The following SYNE1 variants were observed in gnomAD, a reference collection of about 807,000 sequenced individuals.
SYNE1 encodes the protein nesprin-1.
Under a neutral mutation model 1,111.0 loss-of-function variants are expected in SYNE1, and 616 were observed. The observed-to-expected ratio is 0.55, with a 90% CI of 0.52 to 0.59. The LOEUF (loss-of-function observed/expected upper bound fraction) is 0.59, where lower values mean the gene tolerates loss of function less well. SYNE1 is among the 20% of genes least tolerant of loss of function. The probability of loss-of-function intolerance (pLI) is 0.00; values close to 1 mark genes in which losing one functional copy is unlikely to be tolerated. For synonymous variants in SYNE1, 3,855 were observed against 3,825.8 expected (o/e 1.01, Z -0.28); for missense variants, 10,006 against 10,417.0 (o/e 0.96, Z 1.72).
At chr6:152,491,218 A>T (rs1030361575) in intron 11 of SYNE1, among the ~76,000 whole-genome samples, 1 of 151,602 alleles carries the variant, frequency 6.6e-6, no homozygotes, top group Non-Finnish European at 1.5e-5. Context: ...CTAGTGTCTG[A>T]TCACTGTGGG....
At chr6:152,403,143 G>A (rs887571942) in intron 46 of SYNE1, among the ~76,000 whole-genome samples, 2 of 152,160 alleles carry the variant, frequency 1.3e-5, no homozygotes, top group Non-Finnish European at 2.9e-5. Flanking sequence ...AACAGAAGCA[G>A]CAACACATAT....
intron 144 of SYNE1, among the ~76,000 whole-genome samples, chr6:152,131,166 A>T (rs941676345): frequency 1.3e-5 from 2 of 152,184 alleles, no homozygotes. Flanking sequence ...CAGTGTTAAA[A>T]TTCTTGGCCC....
In SYNE1 at chr6:152,399,628, T is replaced by C. The variant is rs1435557709; in HGVS notation, c.7225A>G (p.Lys2409Glu). ...TQASLQESLE[K>E]HFSESMQEFQ... ...CCTCAGAACTCACCACTGAAGTGTT[T>C]TTCCAGAGATTCCTGCAGGCTGGCC... Residue 2409 changes from lysine (K) to glutamate (E), a missense_variant, in exon 48 of 146, where the codon AAA becomes GAA. Transcript: ENST00000367255. 2 of 1,614,112 alleles carry C rather than the reference T, an allele frequency of 1.2e-6. No homozygotes were observed. The highest frequency in any genetic ancestry group is 1.7e-6 in the Non-Finnish European group (2 of 1,179,998).
At chr6:152,539,111 CA>C (rs2099257743) in intron 4 of SYNE1, among the ~76,000 whole-genome samples, 1 of 152,098 alleles carries the variant, frequency 6.6e-6, no homozygotes, top group Non-Finnish European at 1.5e-5. Context: ...CCACTCTCAG[CA>C]AAAGTGAGAA....
chr6:152,203,317 T>C (rs1349142850), intron 126 of SYNE1, among the ~76,000 whole-genome samples: 3 of 152,208 alleles, frequency 2.0e-5, no homozygotes, highest in Non-Finnish European at 4.4e-5. Context: ...TAGCACCTTA[T>C]CTACACATTA....
chr6:152,353,677 A>G lies in SYNE1; in HGVS notation c.10994T>C (p.Ile3665Thr). ...VEEVGARAQE[I>T]LDESHVNSRM... ...GCTGTTCACGTGGCTCTCGTCCAGT[A>G]TCTCCTGAGCTCTAGCTCCCACTTC... The change falls in exon 68 of 146, where the codon ATA (isoleucine) becomes ACA (threonine). Residue 3665 changes from isoleucine to threonine, a missense_variant. Coordinates refer to ENST00000367255, the MANE Select transcript of SYNE1 (RefSeq NM_182961.4). 1 of 1,614,214 alleles carries G rather than the reference A, an allele frequency of 6.2e-7. No individual in the cohort carries two copies.
Position 152,353,628 on chromosome 6 carries a change from C to G in SYNE1, c.11043G>C (p.Gln3681His), listed in dbSNP as rs1382461280. 1 of 1,614,172 alleles carries G rather than the reference C, an allele frequency of 6.2e-7. No homozygotes were observed. Among genetic ancestry groups the G allele is most frequent in the Non-Finnish European group, 8.5e-7 (1 of 1,180,022 alleles). Reference sequence around the variant, plus strand: ...GCAGGGCCTGGTATCTGGAAGTCAGCTGGGTGGCCTGGCAACCCATTCTGC... The same window carrying G: ...GCAGGGCCTGGTATCTGGAAGTCAGGTGGGTGGCCTGGCAACCCATTCTGC... ...VNSRMGCQAT[Q>H]LTSRYQALLL... The change falls in exon 68 of 146, where the codon CAG (glutamine) becomes CAC (histidine). Residue 3681 changes from glutamine to histidine, a missense_variant. Physicochemically the swap from Gln to His is conservative, Grantham distance 24. Transcript: ENST00000367255.
chr6:152,623,649 T>C (rs1176863861), intron 3 of SYNE1, among the ~76,000 whole-genome samples: 1 of 152,184 alleles, frequency 6.6e-6, no homozygotes, highest in Non-Finnish European at 1.5e-5. Flanking sequence ...ATCCAGCATC[T>C]ATAAGGAACT....
Position 152,321,302 on chromosome 6 carries a change from A to G in SYNE1, c.16172T>C (p.Ile5391Thr). Reference sequence around the variant, plus strand: ...CTGAAGGGAGAGTTCAGAAGGTAATATGGTATAAAGACCTAAGTACTTCTC... The same window carrying G: ...CTGAAGGGAGAGTTCAGAAGGTAATGTGGTATAAAGACCTAAGTACTTCTC... ...QKEKYLGLYT[I>T]LPSELSLQLA... Residue 5391 changes from isoleucine to threonine, a missense_variant, in exon 84 of 146, where the codon ATA (isoleucine) becomes ACA (threonine). Physicochemically the swap from Ile to Thr is moderately conservative, Grantham distance 89. This residue lies in a region of SYNE1 where 4,955 missense variants were observed against 5,017.2 expected (regional missense o/e 0.99). Transcript: ENST00000367255. 2 of 1,613,952 alleles carry G rather than the reference A, an allele frequency of 1.2e-6. No individual in the cohort carries two copies. The highest frequency in any genetic ancestry group is 1.7e-6 in the Non-Finnish European group (2 of 1,179,912).
intron 92 of SYNE1, 87 bp from the exon 93 acceptor site, chr6:152,300,868 T>C: frequency 6.3e-7 from 1 of 1,593,760 alleles, no homozygotes; most frequent in South Asian, 1.1e-5. Flanking sequence ...CAAAACAGAG[T>C]TAATTATAAA....
chr6:152,359,056 T>G (rs1007600838), intron 65 of SYNE1, among the ~76,000 whole-genome samples: 4 of 152,206 alleles, frequency 2.6e-5, no homozygotes, highest in Non-Finnish European at 4.4e-5. Context: ...CAATTGAAGG[T>G]GTCCAGAATT....
intron 4 of SYNE1, among the ~76,000 whole-genome samples, chr6:152,530,623 ATT>A (rs35951822): frequency 4.9e-5 from 7 of 141,956 alleles, no homozygotes; most frequent in African/African-American, 5.3e-5. Context: ...GTGTGATGAA[ATT>A]TTTTTTTTTT....
At chr6:152,263,455 A>T (rs542925141) in intron 100 of SYNE1, among the ~76,000 whole-genome samples, 1 of 151,686 alleles carries the variant, frequency 6.6e-6, no homozygotes, top group South Asian at 2.1e-4. Context: ...GACTCGTGTG[A>T]TCACAGCTCA....
chr6:152,564,199 C>T (rs765498884), intron 3 of SYNE1, among the ~76,000 whole-genome samples: 29 of 152,256 alleles, frequency 1.9e-4, no homozygotes, highest in African/African-American at 4.3e-4. Context: ...AGGAAAAACA[C>T]GAATCAGTTG....
chr6:152,321,191 C>A (rs749293770), intron 84 of SYNE1, 47 bp downstream of exon 84: 2 of 1,607,098 alleles, frequency 1.2e-6, no homozygotes, highest in African/African-American at 1.3e-5. Context: ...AGAGGACTGA[C>A]CCTATAAACA....
At chr6:152,337,448 C>T (rs2096424169) in intron 75 of SYNE1, among the ~76,000 whole-genome samples, 1 of 152,200 alleles carries the variant, frequency 6.6e-6, no homozygotes, top group Non-Finnish European at 1.5e-5. Flanking sequence ...CGCCGTCACA[C>T]CCAACTAATT....
chr6:152,132,917 G>A (rs1189207105), intron 143 of SYNE1, among the ~76,000 whole-genome samples: 2 of 150,538 alleles, frequency 1.3e-5, no homozygotes, highest in East Asian at 1.9e-4. Context: ...ATTCATGCCT[G>A]AGAGTGGTTA....
Position 152,308,522 on chromosome 6 carries a change from T to C in SYNE1, c.17313A>G (p.Ile5771Met), listed in dbSNP as rs2095449015. ...GAGAAATCTGAGCCTGCAGCTCCTGTATGTTACTGGTGGCAACAGGTTTAT... is the reference window on the plus strand; with the variant it reads ...GAGAAATCTGAGCCTGCAGCTCCTGCATGTTACTGGTGGCAACAGGTTTAT... ...IEDKPVATSN[I>M]QELQAQISRH... Residue 5771 changes from isoleucine to methionine, a missense_variant, in exon 91 of 146, where the codon ATA (isoleucine) becomes ATG (methionine). Around this residue, in one of 7 missense-constraint regions of SYNE1, gnomAD observed 4,955 missense variants for 5,017.2 expected, o/e 0.99. Transcript: ENST00000367255. The C allele has an allele frequency of 1.2e-6, 2 of 1,614,178 alleles. No homozygotes were observed. The highest frequency in any genetic ancestry group is 4.5e-5 in the East Asian group (2 of 44,886).
At chr6:152,194,971 A>G (rs2073709828) in intron 127 of SYNE1, among the ~76,000 whole-genome samples, 1 of 151,864 alleles carries the variant, frequency 6.6e-6, no homozygotes, top group Admixed American at 6.6e-5. Flanking sequence ...CCCAGGCTGG[A>G]GTGCAGTGGT....
Sources: allele counts gnomAD v4.1 joint callset (sites outside exome capture counted in the v4.1 genomes callset), GRCh38; gene constraint gnomAD v4.1.1; regional missense constraint gnomAD v4.1.1; transcripts MANE v1.5; gene names NCBI Gene and HGNC (gene_info 2026-07-23, HGNC 2026-07-21).